Variants in WWOX observed in about 807,000 individuals in gnomAD.
WWOX encodes WW domain-containing oxidoreductase.
WWOX carries 69 observed loss-of-function variants against 46.2 expected under a neutral mutation model. The observed-to-expected ratio is 1.49, with a 90% CI of 1.23 to 1.82. WWOX has a LOEUF of 1.82. WWOX is among the 40% of genes most tolerant of loss of function. The pLI is 0.00. For synonymous variants in WWOX, 359 were observed against 202.6 expected, an observed-to-expected ratio of 1.77 and a Z score of -6.56; for missense variants, 919 against 542.6, an observed-to-expected ratio of 1.69 and a Z score of -6.89.
At chr16:79,106,411 A>G (rs538351150) in intron 8 of WWOX, among the ~76,000 whole-genome samples, 2 of 152,150 alleles carry the variant, frequency 1.3e-5, no homozygotes, top group Admixed American at 6.5e-5. Flanking sequence ...TCTTACCTCT[A>G]AATTCTACTG....
At chr16:79,149,632 T>G (rs186401347) in intron 8 of WWOX, among the ~76,000 whole-genome samples, 1 of 152,198 alleles carries the variant, frequency 6.6e-6, no homozygotes, top group Admixed American at 6.5e-5. Flanking sequence ...TAAGAACCAA[T>G]GAGCATTTAG....
intron 8 of WWOX, among the ~76,000 whole-genome samples, chr16:78,693,576 C>T (rs1279663169): frequency 1.3e-5 from 2 of 152,118 alleles, no homozygotes; most frequent in South Asian, 2.1e-4. Flanking sequence ...AGGTGGGGGG[C>T]CCTCCTCTAG....
In WWOX at chr16:78,193,823, TTA is replaced by T. The variant is rs1439362757; in HGVS notation, c.516+29536_516+29537del. 4.6e-5 allele frequency among the ~76,000 whole-genome samples: 5 copies of T among 108,474 alleles called. No individual in the cohort carries two copies. The East Asian group carries it at 7.4e-4, about 16-fold the overall frequency. 71.2% of individuals were successfully genotyped at this position (108,474 alleles called of 152,430 possible). ...TGAAACTTAATTTAATTTTTATTTA[TTA>T]TTATTATTATTATTTTCAATTTTTT... On this transcript the variant is annotated intron_variant, in intron 5 of 8. Coordinates refer to ENST00000566780, the MANE Select transcript of WWOX (RefSeq NM_016373.4).
intron 8 of WWOX, among the ~76,000 whole-genome samples, chr16:78,631,028 A>G (rs1007201015): frequency 6.6e-6 from 1 of 152,170 alleles, no homozygotes; most frequent in African/African-American, 2.4e-5. Flanking sequence ...CACTATTTAT[A>G]TCGTGTTTAT....
In WWOX at chr16:78,537,075, C is replaced by G. The variant is rs140873561; in HGVS notation, c.1056+104323C>G. ...GGGACTACAGGCATGTACCACCACA[C>G]TCAGCTAATATTTGTATTTTTAGTA... On this transcript the variant is annotated intron_variant, in intron 8 of 8. Transcript: ENST00000566780. 5.9e-5 allele frequency among the ~76,000 whole-genome samples: 9 copies of G among 152,112 alleles called. No homozygotes were observed. In the East Asian group the frequency reaches 1.8e-3, roughly 30 times the overall value.
chr16:78,543,891 G>C (rs1364991240), intron 8 of WWOX, among the ~76,000 whole-genome samples: 1 of 152,104 alleles, frequency 6.6e-6, no homozygotes. Context: ...AGGACGGTTG[G>C]TACTTTAATC....
At chr16:78,712,352 A>G (rs1279262116) in intron 8 of WWOX, among the ~76,000 whole-genome samples, 1 of 152,034 alleles carries the variant, frequency 6.6e-6, no homozygotes, top group African/African-American at 2.4e-5. Context: ...AAATACAAAA[A>G]TTAGCTGGGC....
At chr16:78,932,509 A>G (rs2045645366) in intron 8 of WWOX, among the ~76,000 whole-genome samples, 1 of 152,200 alleles carries the variant, frequency 6.6e-6, no homozygotes, top group Non-Finnish European at 1.5e-5. Flanking sequence ...CTGCTCTTGC[A>G]AACCTTGAAG....
chr16:79,184,332 C>G (rs1597454841), intron 8 of WWOX, among the ~76,000 whole-genome samples: 2 of 152,186 alleles, frequency 1.3e-5, no homozygotes, highest in Non-Finnish European at 2.9e-5. Context: ...TGCTTTTGAA[C>G]ACCCATCACT....
intron 8 of WWOX, among the ~76,000 whole-genome samples, chr16:78,577,710 A>G (rs1223458801): frequency 6.6e-6 from 1 of 152,164 alleles, no homozygotes; most frequent in Non-Finnish European, 1.5e-5. Context: ...GCTCTGGGAG[A>G]CAGTGTGTTG....
At position 78,977,303 on chromosome 16, in the gene WWOX, C is replaced by T. The variant is rs145826129; in HGVS notation, c.1057-234305C>T. 9.2e-5 allele frequency among the ~76,000 whole-genome samples: 14 copies of T among 152,336 alleles called. No individual in the cohort carries two copies. In the East Asian group the frequency reaches 2.7e-3, roughly 29 times the overall value. On this transcript the variant is annotated intron_variant, in intron 8 of 8. Coordinates refer to ENST00000566780, the MANE Select transcript of WWOX (RefSeq NM_016373.4). ...GCTCTTAAATTTAAATGGCCTCCCACAGGGAAGCAGAAGTCCTTTTGGATC... is the reference window on the plus strand; with the variant it reads ...GCTCTTAAATTTAAATGGCCTCCCATAGGGAAGCAGAAGTCCTTTTGGATC...
chr16:79,097,296 C>T lies in WWOX; in HGVS notation c.1057-114312C>T, dbSNP rs764892687. The stretch of plus-strand genomic sequence containing the variant: ...TTTCCTTAGGCATTTATTCAAGATC[C>T]GAGATGCCATTCGCAATCCAGCAGG... On this transcript the variant is annotated intron_variant, in intron 8 of 8. Coordinates refer to ENST00000566780, the MANE Select transcript of WWOX (RefSeq NM_016373.4). Among the ~76,000 whole-genome samples, 188 of 151,710 alleles carry T rather than the reference C, an allele frequency of 1.2e-3. 3 individuals carry two copies. The highest frequency in any genetic ancestry group is 1.2e-3 in the East Asian group (6 of 5,140).
intron 8 of WWOX, among the ~76,000 whole-genome samples, chr16:78,999,045 C>T (rs919950526): frequency 1.3e-5 from 2 of 152,100 alleles, no homozygotes; most frequent in African/African-American, 2.4e-5. Context: ...GAGAGACAGG[C>T]AGAGCTAGAA....
intron 8 of WWOX, among the ~76,000 whole-genome samples, chr16:78,482,561 A>T (rs60586213): frequency 0.011 from 1,706 of 152,298 alleles, 29 homozygotes; most frequent in African/African-American, 0.04. Context: ...ACCAGTATTT[A>T]TTGAATACTT....
intron 8 of WWOX, among the ~76,000 whole-genome samples, chr16:78,936,632 G>A (rs1198037229): frequency 6.6e-6 from 1 of 152,102 alleles, no homozygotes; most frequent in Non-Finnish European, 1.5e-5. Context: ...ATGGGTTTTG[G>A]AACATGTCTT....
At chr16:79,066,715 G>C (rs2048448567) in intron 8 of WWOX, among the ~76,000 whole-genome samples, 2 of 152,334 alleles carry the variant, frequency 1.3e-5, no homozygotes, top group South Asian at 4.1e-4. Context: ...ATGAGAGCCT[G>C]CCGCCTCAAG....
In WWOX at chr16:78,677,216, C is replaced by G. The variant is rs185803059; in HGVS notation, c.1056+244464C>G. Among the ~76,000 whole-genome samples, 54 of 152,238 alleles carry G rather than the reference C, an allele frequency of 3.5e-4. No homozygotes were observed. The Middle Eastern group carries it at 0.01, about 29-fold the overall frequency. On this transcript the variant is annotated intron_variant, in intron 8 of 8. Transcript: ENST00000566780. ...CCAGGCAATCAGGCTCTTCTCAAAC[C>G]TGAATTATACCCGGCCTCAGGGTAT...
chr16:79,125,486 A>G (rs979031298), intron 8 of WWOX, among the ~76,000 whole-genome samples: 2 of 152,192 alleles, frequency 1.3e-5, no homozygotes, highest in Admixed American at 1.3e-4. Context: ...TGGCATTTTT[A>G]TGGGATCCAG....
intron 7 of WWOX, among the ~76,000 whole-genome samples, chr16:78,428,224 A>G (rs997510073): frequency 1.3e-5 from 2 of 152,242 alleles, no homozygotes; most frequent in African/African-American, 2.4e-5. Flanking sequence ...TTAAGACATA[A>G]TTGTTTGGCT....
Sources: allele counts gnomAD v4.1 joint callset (sites outside exome capture counted in the v4.1 genomes callset), GRCh38; gene constraint gnomAD v4.1.1; transcripts MANE v1.5; gene names NCBI Gene and HGNC (gene_info 2026-07-23, HGNC 2026-07-21).